Variants in MACF1 observed in about 807,000 individuals in gnomAD.
MACF1 encodes the protein microtubule-actin cross-linking factor 1.
MACF1 carries 193 observed loss-of-function variants against 854.8 expected under a neutral mutation model. The ratio of observed to expected loss-of-function variants is 0.23; its 90% CI spans 0.20 to 0.25. The LOEUF is 0.25. Ranked by LOEUF, MACF1 falls within the 10% of genes least tolerant of loss-of-function variation. The pLI is 1.00. For synonymous variants in MACF1, 3,185 were observed against 3,226.7 expected, an observed-to-expected ratio of 0.99 and a Z score of 0.44; for missense variants, 7,722 against 8,929.1, an observed-to-expected ratio of 0.86 and a Z score of 5.45.
intron 6 of MACF1, chr1:39,268,595 GT>G (rs775930967): frequency 1.8e-4 from 214 of 1,188,298 alleles, no homozygotes; most frequent in Admixed American, 2.6e-4. Flanking sequence ...CATAGTGCAT[GT>G]TTTTAAATGT....
At chr1:39,361,033 G>C in intron 48 of MACF1, 32 bp downstream of exon 48, 1 of 1,569,238 alleles carries the variant, frequency 6.4e-7, no homozygotes, top group Non-Finnish European at 8.8e-7. Flanking sequence ...CTAGCATAGA[G>C]GGTATGTTTG....
chr1:39,272,100 C>T (rs996487570), intron 6 of MACF1, among the ~76,000 whole-genome samples: 1 of 152,234 alleles, frequency 6.6e-6, no homozygotes, highest in Non-Finnish European at 1.5e-5. Flanking sequence ...GTGACCGAGT[C>T]TCAGCTCAGA....
At chr1:39,123,561 C>T (rs1253346066) in intron 2 of MACF1, among the ~76,000 whole-genome samples, 3 of 148,420 alleles carry the variant, frequency 2.0e-5, no homozygotes, top group African/African-American at 5.0e-5. Flanking sequence ...TTTCTTGAGG[C>T]AGAGTCTTAC....
chr1:39,400,429 C>T (rs1642431698), intron 58 of MACF1, among the ~76,000 whole-genome samples: 1 of 150,622 alleles, frequency 6.6e-6, no homozygotes, highest in South Asian at 2.1e-4. Context: ...TGATAATATG[C>T]TTTTTTTTAA....
At chr1:39,246,164 A>G (rs1388972123) in intron 2 of MACF1, among the ~76,000 whole-genome samples, 1 of 151,742 alleles carries the variant, frequency 6.6e-6, no homozygotes, top group East Asian at 1.9e-4. Context: ...CCTGCCTTCT[A>G]ATTTTGGCTG....
rs188616001 is a variant in MACF1, at chr1:39,186,774, A to T, written c.221-44408A>T. 9.3e-3 allele frequency among the ~76,000 whole-genome samples: 1,397 copies of T among 150,660 alleles called. 26 individuals carry two copies. The highest frequency in any genetic ancestry group is 0.032 in the African/African-American group (1,326 of 41,000). On this transcript the variant is annotated intron_variant, in intron 2 of 93. Coordinates refer to the MACF1 transcript ENST00000361689. ...AGGTGTGTACCACTGCGCCTGGCTAATTTTTTTTTCTTTTTGTAGAGTTGG... is the reference window on the plus strand; with the variant it reads ...AGGTGTGTACCACTGCGCCTGGCTATTTTTTTTTTCTTTTTGTAGAGTTGG...
chr1:39,414,565 ATAGT>A, intron 58 of MACF1: 2 of 1,562,736 alleles, frequency 1.3e-6, no homozygotes, highest in Non-Finnish European at 1.7e-6. Flanking sequence ...AATGGCACAG[ATAGT>A]TCTTTTGTTC....
chr1:39,409,217 G>A lies in MACF1; in HGVS notation c.15817-13157G>A, dbSNP rs957895810. Among the ~76,000 whole-genome samples the A allele has an allele frequency of 6.6e-5, 10 of 151,984 alleles. No individual in the cohort carries two copies. The highest frequency in any genetic ancestry group is 1.3e-4 in the Non-Finnish European group (9 of 67,942). ...GTGACAGCTGCGGGCGGGGAGGACG[G>A]CGGGGCCGCGGGGCCAGCGGCGTGG... On this transcript the variant is annotated intron_variant, in intron 58 of 100. Transcript: ENST00000564288. The surrounding 1 kb of genome is among the most constrained non-coding windows in gnomAD (Gnocchi z 4.2).
At chr1:39,175,205 G>A (rs1473420277) in intron 2 of MACF1, among the ~76,000 whole-genome samples, 1 of 152,068 alleles carries the variant, frequency 6.6e-6, no homozygotes, top group Non-Finnish European at 1.5e-5. Flanking sequence ...CACATAAAGT[G>A]AGGATTCCAA....
In MACF1 at chr1:39,380,290, T is replaced by C; in HGVS notation, c.13565T>C (p.Val4522Ala). ...CAGAATTCTCCAAAAATTCAAAAAG[T>C]AAAGGAAGCCCTGGCTGGATTACTG... ...LEQNSPKIQKVKEALAGLLVT... is the reference protein window; with the variant it reads ...LEQNSPKIQKAKEALAGLLVT... The change falls in exon 55 of 101, where the codon GTA (valine) becomes GCA (alanine). Residue 4522 changes from valine (V) to alanine (A), a missense_variant. By Grantham distance (64) the Val-to-Ala change is moderately conservative. Around this residue, in one of 15 missense-constraint regions of MACF1, gnomAD observed 2,807 missense variants for 3,235.8 expected, o/e 0.87. Coordinates refer to ENST00000564288, the MANE Select transcript of MACF1 (RefSeq NM_001394062.1). 1 of 1,613,344 alleles carries C rather than the reference T, an allele frequency of 6.2e-7. No homozygotes were observed.
chr1:39,182,086 G>T (rs1644111466), intron 2 of MACF1, among the ~76,000 whole-genome samples: 1 of 151,540 alleles, frequency 6.6e-6, no homozygotes, highest in Non-Finnish European at 1.5e-5. Context: ...GGGAGGCAGA[G>T]GTTGCAGTGA....
At position 39,387,227 on chromosome 1, in the gene MACF1, C is replaced by T; in HGVS notation, c.14385C>T (p.Thr4795=). 6.2e-7 allele frequency: 1 copy of T among 1,614,154 alleles called. No homozygotes were observed. Among genetic ancestry groups the T allele is most frequent in the Non-Finnish European group, 8.5e-7 (1 of 1,180,036 alleles). The change falls in exon 58 of 101, where the codon ACC becomes ACT. Residue 4795 remains threonine, a synonymous_variant. Coordinates refer to ENST00000564288, the MANE Select transcript of MACF1 (RefSeq NM_001394062.1). Reference sequence around the variant, plus strand: ...GACTCCAGGCAGCTCTTGCCAGCACCCAGCAGTTCCAGCAAATGTTTGATG... The same window carrying T: ...GACTCCAGGCAGCTCTTGCCAGCACTCAGCAGTTCCAGCAAATGTTTGATG... ...INRLQAALAS[T]QQFQQMFDEL...
chr1:39,371,572 G>A (rs200634397), intron 51 of MACF1, among the ~76,000 whole-genome samples: 112 of 152,242 alleles, frequency 7.4e-4, no homozygotes, highest in Non-Finnish European at 1.2e-3. Context: ...TTAACGTGAT[G>A]TGGTATTTTT....
chr1:39,440,111 C>CTTTTCTTTTCTTTTCTTTTT (rs1553414036), intron 72 of MACF1, among the ~76,000 whole-genome samples: 1 of 64,566 alleles, frequency 1.5e-5, no homozygotes, highest in African/African-American at 6.7e-5. Flanking sequence ...CTTTTCTTTT[C>CTTTTCTTTTCTTTTCTTTTT]TTTTTTTTTT....
intron 4 of MACF1, among the ~76,000 whole-genome samples, chr1:39,253,934 A>G (rs1256599139): frequency 3.9e-5 from 6 of 152,216 alleles, no homozygotes; most frequent in Admixed American, 3.9e-4. Flanking sequence ...TTTAACTGTG[A>G]TTTTAGGAGT....
chr1:39,415,205 T>G (rs1478755879), intron 58 of MACF1, among the ~76,000 whole-genome samples: 2 of 152,232 alleles, frequency 1.3e-5, no homozygotes, highest in Non-Finnish European at 2.9e-5. Flanking sequence ...ATTTTAGTCA[T>G]CTTTGTCAAA....
At chr1:39,102,346 C>T (rs971367039) in intron 2 of MACF1, among the ~76,000 whole-genome samples, 2 of 149,934 alleles carry the variant, frequency 1.3e-5, no homozygotes, top group African/African-American at 2.5e-5. Context: ...AGGGAGCTTA[C>T]GATTTAGTAA....
chr1:39,349,667 C>G, intron 42 of MACF1, 40 bp downstream of exon 42: 1 of 1,606,114 alleles, frequency 6.2e-7, no homozygotes, highest in African/African-American at 1.3e-5. Flanking sequence ...AAGTCTCGCT[C>G]TATCGCTTAG....
chr1:39,356,293 T>C lies in MACF1; in HGVS notation c.11425-1082T>C, dbSNP rs142310377. Among the ~76,000 whole-genome samples, 617 of 152,328 alleles carry C rather than the reference T, an allele frequency of 4.1e-3. 1 individual carries two copies. Among genetic ancestry groups the C allele is most frequent in the Non-Finnish European group, 7.2e-3 (488 of 68,024 alleles). On this transcript the variant is annotated intron_variant, in intron 44 of 100. Coordinates refer to ENST00000564288, the MANE Select transcript of MACF1 (RefSeq NM_001394062.1). ...AGAAATACAGTTTAATCTCTAATTA[T>C]TGAATTAATTTTCCATGGCTTTTCC... is the stretch of plus-strand genomic sequence containing the variant.
Sources: gnomAD v4.1 joint callset for allele counts (sites outside exome capture counted in the v4.1 genomes callset) on GRCh38, gnomAD v4.1.1 for gene constraint, gnomAD v4.1.1 regional missense constraint, Gnocchi (gnomAD v3.1) non-coding constraint, MANE v1.5 for transcripts, NCBI Gene and HGNC (gene_info 2026-07-23, HGNC 2026-07-21) for gene names.